GPHN: variants seen among roughly 807,000 people sequenced by gnomAD.
GPHN encodes gephyrin.
Under a neutral mutation model 95.5 loss-of-function variants are expected in GPHN, and 17 were observed. The ratio of observed to expected loss-of-function variants is 0.18; its 90% CI spans 0.12 to 0.27. The LOEUF (loss-of-function observed/expected upper bound fraction) is 0.27, where lower values mean the gene tolerates loss of function less well. GPHN is among the 10% of genes least tolerant of loss of function. The pLI is 1.00. For synonymous variants in GPHN, 320 were observed against 322.5 expected (o/e 0.99, Z 0.08); for missense variants, 660 against 978.1 (o/e 0.67, Z 4.34).
chr14:67,263,544 CCTCTCTT>C, the GPHN span, among the ~76,000 whole-genome samples: 1 of 152,112 alleles, frequency 6.6e-6, no homozygotes, highest in Non-Finnish European at 1.5e-5. Flanking sequence ...AAAGATTTTC[CCTCTCTT>C]CTCTTAGTAT....
chr14:66,583,236 G>T (rs183623827), intron 1 of GPHN, among the ~76,000 whole-genome samples: 13 of 152,108 alleles, frequency 8.5e-5, no homozygotes, highest in African/African-American at 2.6e-4. Context: ...GTGGTTGTTT[G>T]TTTTTTTCTT....
At chr14:66,726,291 A>G (rs1361490509) in intron 2 of GPHN, among the ~76,000 whole-genome samples, 1 of 152,238 alleles carries the variant, frequency 6.6e-6, no homozygotes, top group Non-Finnish European at 1.5e-5. Flanking sequence ...GGATGCTGTC[A>G]GCAGTAGCAT....
intron 1 of GPHN, among the ~76,000 whole-genome samples, chr14:66,535,221 C>T (rs959516613): frequency 1.3e-5 from 2 of 151,786 alleles, no homozygotes; most frequent in Non-Finnish European, 2.9e-5. Context: ...ATTGATTTGG[C>T]CCCATTTTTT....
intron 1 of GPHN, among the ~76,000 whole-genome samples, chr14:66,665,002 A>AAC (rs2065868796): frequency 6.6e-6 from 1 of 150,868 alleles, no homozygotes; most frequent in African/African-American, 2.4e-5. Flanking sequence ...AAAAAAAAAA[A>AAC]AAAAAAAAAG....
chr14:67,535,831 G>A, the GPHN span, among the ~76,000 whole-genome samples: 3 of 152,180 alleles, frequency 2.0e-5, no homozygotes, highest in Admixed American at 2.0e-4. Context: ...AAAAAGCCCT[G>A]CATGATGTGA....
the GPHN span, chr14:67,587,428 A>G: frequency 4.7e-6 from 3 of 634,304 alleles, no homozygotes; most frequent in South Asian, 5.8e-5. Context: ...ACTTTTTAAA[A>G]TCCAGACCCA....
intron 3 of GPHN, among the ~76,000 whole-genome samples, chr14:66,782,569 C>T (rs980038426): frequency 2.6e-5 from 4 of 152,112 alleles, no homozygotes; most frequent in Admixed American, 2.6e-4. Flanking sequence ...CTTGTAATCC[C>T]AGCACTTTGG....
the GPHN span, among the ~76,000 whole-genome samples, chr14:67,624,451 G>A: frequency 3.3e-5 from 5 of 152,214 alleles, no homozygotes; most frequent in Admixed American, 3.3e-4. Context: ...AGGACATACA[G>A]GCTTCTGCTT....
At chr14:67,286,204 C>T in the GPHN span, among the ~76,000 whole-genome samples, 1 of 152,204 alleles carries the variant, frequency 6.6e-6, no homozygotes, top group African/African-American at 2.4e-5. Context: ...CGCCTTAGTA[C>T]TTACTTTTTT....
Position 67,105,738 on chromosome 14 carries a change from CATG to C in GPHN, c.1294-4401_1294-4399del, listed in dbSNP as rs543244061. ...ATATCTGTATAGGTGAAGTGAGTCT[CATG>C]TAGGCAGCAAATAGTTGGGTTCTTT... On this transcript the variant is annotated intron_variant, in intron 13 of 22. Transcript: ENST00000478722. Among the ~76,000 whole-genome samples the C allele has an allele frequency of 3.0e-3, 455 of 152,200 alleles. 3 individuals carry two copies. The highest frequency in any genetic ancestry group is 0.011 in the African/African-American group (437 of 41,560).
chr14:67,435,527 G>A, the GPHN span, among the ~76,000 whole-genome samples: 1 of 152,214 alleles, frequency 6.6e-6, no homozygotes, highest in Non-Finnish European at 1.5e-5. Flanking sequence ...AACAGGGTAT[G>A]GCGGCTAAAG....
the GPHN span, chr14:67,645,760 T>C: frequency 2.5e-6 from 4 of 1,614,040 alleles, no homozygotes; most frequent in South Asian, 1.1e-5. Flanking sequence ...GAAATCTCCA[T>C]GGACAGCCAG....
chr14:67,165,857 G>A (rs572175747), intron 20 of GPHN, among the ~76,000 whole-genome samples: 20 of 152,144 alleles, frequency 1.3e-4, no homozygotes, highest in Non-Finnish European at 2.6e-4. Flanking sequence ...AGCAGGTTCA[G>A]TTCACGATGA....
intron 4 of GPHN, among the ~76,000 whole-genome samples, chr14:66,831,538 T>A (rs954429704): frequency 3.3e-5 from 5 of 152,196 alleles, no homozygotes; most frequent in African/African-American, 1.2e-4. Flanking sequence ...CATATCTTTG[T>A]CTAAACACGT....
At chr14:67,117,863 G>A (rs559003780) in intron 16 of GPHN, among the ~76,000 whole-genome samples, 1 of 152,190 alleles carries the variant, frequency 6.6e-6, no homozygotes, top group South Asian at 2.1e-4. Context: ...CAAGGAATCT[G>A]CCCAAGCAAA....
intron 10 of GPHN, among the ~76,000 whole-genome samples, chr14:67,030,870 G>A (rs1001173555): frequency 6.6e-6 from 1 of 152,096 alleles, no homozygotes; most frequent in Non-Finnish European, 1.5e-5. Flanking sequence ...ATAAATGAGA[G>A]GAAGACCTTA....
In GPHN at chr14:66,614,027, T is replaced by G. The variant is rs138125730; in HGVS notation, c.65-67080T>G. ...CTGGAAATTTTTTGGCGGCAGTATA[T>G]AATTTGTATTTGTATTTGCCAAACT... On this transcript the variant is annotated intron_variant, in intron 1 of 22. Transcript: ENST00000478722. 2.0e-5 allele frequency among the ~76,000 whole-genome samples: 3 copies of G among 152,272 alleles called. No individual in the cohort carries two copies. In the East Asian group the frequency reaches 5.8e-4, roughly 29 times the overall value.
At chr14:67,390,722 C>T in the GPHN span, 1 of 1,613,684 alleles carries the variant, frequency 6.2e-7, no homozygotes, top group Admixed American at 1.7e-5. Context: ...AAGCGACGCA[C>T]CTTCCAGTTT....
At chr14:67,596,358 C>G in the GPHN span, among the ~76,000 whole-genome samples, 3 of 124,390 alleles carry the variant, frequency 2.4e-5, no homozygotes, top group African/African-American at 9.2e-5. Context: ...CCTGGCTGGT[C>G]TCGAACTCCT....
Sources: gnomAD v4.1 joint callset for allele counts (sites outside exome capture counted in the v4.1 genomes callset) on GRCh38, gnomAD v4.1.1 for gene constraint, MANE v1.5 for transcripts, NCBI Gene and HGNC (gene_info 2026-07-23, HGNC 2026-07-21) for gene names.